The following CAND2 variants were observed in gnomAD, a reference collection of about 807,000 sequenced individuals.
The protein encoded by CAND2 is cullin-associated NEDD8-dissociated protein 2.
A neutral mutation model predicts 98.9 loss-of-function variants in CAND2; 62 were observed. The observed-to-expected ratio is 0.63, with a 90% CI of 0.51 to 0.77. CAND2 has a LOEUF of 0.77. CAND2 is among the 30% of genes least tolerant of loss of function. The pLI is 0.00. For synonymous variants in CAND2, 770 were observed against 731.9 expected (o/e 1.05, Z -0.84); for missense variants, 1,501 against 1,655.2 (o/e 0.91, Z 1.62).
chr3:12,812,925 C>A (rs2061864753), intron 5 of CAND2, 65 bp from the exon 6 acceptor site: 3 of 979,866 alleles, frequency 3.1e-6, no homozygotes, highest in African/African-American at 1.6e-5. Flanking sequence ...AGTCTGAGTG[C>A]TGTGGGCTGG....
chr3:12,808,961 G>A (rs1461953558), intron 4 of CAND2, among the ~76,000 whole-genome samples: 1 of 152,158 alleles, frequency 6.6e-6, no homozygotes, highest in Admixed American at 6.5e-5. Context: ...GGAGCCATGG[G>A]GCAGGGGTGA....
intron 5 of CAND2, among the ~76,000 whole-genome samples, chr3:12,811,983 C>T (rs1156814437): frequency 6.6e-6 from 1 of 151,858 alleles, no homozygotes; most frequent in African/African-American, 2.4e-5. Context: ...ACGATCTCTG[C>T]TCACTGTAAC....
chr3:12,812,628 T>G (rs1389902031), intron 5 of CAND2, among the ~76,000 whole-genome samples: 1 of 151,802 alleles, frequency 6.6e-6, no homozygotes, highest in African/African-American at 2.4e-5. Context: ...ATAGTCTCGA[T>G]CTCCTGACCT....
At chr3:12,811,775 T>C (rs2061853621) in intron 5 of CAND2, among the ~76,000 whole-genome samples, 1 of 152,178 alleles carries the variant, frequency 6.6e-6, no homozygotes, top group African/African-American at 2.4e-5. Context: ...TTTAACTATG[T>C]TGGTTGGCCA....
chr3:12,810,904 G>T (rs980132899), intron 5 of CAND2, among the ~76,000 whole-genome samples: 3 of 152,222 alleles, frequency 2.0e-5, no homozygotes, highest in African/African-American at 7.2e-5. Flanking sequence ...TCCGTTTGCA[G>T]TCCAGCTCTC....
At position 12,813,011 on chromosome 3, in the gene CAND2, T is replaced by C; in HGVS notation, c.779T>C (p.Val260Ala). The C allele has an allele frequency of 2.5e-6, 4 of 1,577,412 alleles. No individual in the cohort carries two copies. Among genetic ancestry groups the C allele is most frequent in the Non-Finnish European group, 3.4e-6 (4 of 1,162,466 alleles). The change falls in exon 6 of 15, where the codon GTG (valine) becomes GCG (alanine). Residue 260 changes from valine to alanine, a missense_variant. This residue lies in a region of CAND2 where 1,427 missense variants were observed against 1,545.3 expected (regional missense o/e 0.92). Coordinates refer to ENST00000456430, the MANE Select transcript of CAND2 (RefSeq NM_001162499.2). The stretch of plus-strand genomic sequence containing the variant: ...GCAGGGGCTCACCTGGACCGCCTGG[T>C]GCCCCTGGTGGAGGATTTCTGCAAC... ...HRLGAHLDRLVPLVEDFCNLD... is the reference protein window; with the variant it reads ...HRLGAHLDRLAPLVEDFCNLD...
Position 12,817,103 on chromosome 3 carries a change from C to T in CAND2, c.2171C>T (p.Ala724Val), listed in dbSNP as rs1463444153. 2 of 1,612,938 alleles carry T rather than the reference C, an allele frequency of 1.2e-6. No individual in the cohort carries two copies. The highest frequency in any genetic ancestry group is 1.1e-5 in the South Asian group (1 of 91,082). ...GACTTCCTTGCCACAGTGACCCAGG[C>T]CCAGCCAGCCTCTTTGGTGGAGGTC... ...AVDFLATVTQ[A>V]QPASLVEVSG... The change falls in exon 10 of 15, where the codon GCC (alanine) becomes GTC (valine). Residue 724 changes from alanine to valine, a missense_variant. Around this residue, in one of 3 missense-constraint regions of CAND2, gnomAD observed 1,427 missense variants for 1,545.3 expected, o/e 0.92. Coordinates refer to ENST00000456430, the MANE Select transcript of CAND2 (RefSeq NM_001162499.2).
intron 12 of CAND2, among the ~76,000 whole-genome samples, chr3:12,826,386 C>A (rs1392300526): frequency 6.6e-6 from 1 of 151,558 alleles, no homozygotes; most frequent in African/African-American, 2.4e-5. Flanking sequence ...ACCATTAAAA[C>A]AGGGCTTCAT....
At chr3:12,819,654 A>G (rs1370466062) in intron 10 of CAND2, among the ~76,000 whole-genome samples, 1 of 151,914 alleles carries the variant, frequency 6.6e-6, no homozygotes, top group East Asian at 1.9e-4. Flanking sequence ...ATGAACTTAA[A>G]CCCTCTGAGT....
chr3:12,818,177 AC>A (rs2061925026), intron 10 of CAND2, among the ~76,000 whole-genome samples: 1 of 151,526 alleles, frequency 6.6e-6, no homozygotes, highest in African/African-American at 2.4e-5. Flanking sequence ...TAATCCCAGC[AC>A]TTTGGGGAGG....
At chr3:12,811,124 T>C (rs1278521359) in intron 5 of CAND2, among the ~76,000 whole-genome samples, 2 of 144,386 alleles carry the variant, frequency 1.4e-5, no homozygotes, top group Non-Finnish European at 3.0e-5. Context: ...CGGCGGGGGG[T>C]GGGGGGGGGA....
chr3:12,818,927 A>G (rs1038422166), intron 10 of CAND2, among the ~76,000 whole-genome samples: 18 of 152,300 alleles, frequency 1.2e-4, no homozygotes, highest in African/African-American at 3.8e-4. Flanking sequence ...TGCTTTGCCT[A>G]AACACCTATT....
chr3:12,813,145 T>C (rs1465753028), intron 6 of CAND2, 50 bp downstream of exon 6: 2 of 1,569,456 alleles, frequency 1.3e-6, no homozygotes, highest in Non-Finnish European at 1.7e-6. Context: ...TTGGTGGGGA[T>C]GCTGGCCCAA....
In CAND2 at chr3:12,815,005, T is replaced by C; in HGVS notation, c.1007-136T>C. 1.2e-6 allele frequency: 1 copy of C among 801,388 alleles called. No homozygotes were observed. Among genetic ancestry groups the C allele is most frequent in the South Asian group, 1.8e-5 (1 of 54,782 alleles). 49.6% of individuals were successfully genotyped at this position (801,388 alleles called of 1,614,324 possible). ...ATTAAAAGGTAGGGAATGTTCCCCA[T>C]AGGGTATCTATAAATGCTGATCATC... On this transcript the variant is annotated intron_variant, in intron 7 of 14. Coordinates refer to ENST00000456430, the MANE Select transcript of CAND2 (RefSeq NM_001162499.2). This position sits in a 1 kb window ranked among gnomAD's most constrained non-coding sequence, Gnocchi z 5.7.
intron 13 of CAND2, among the ~76,000 whole-genome samples, chr3:12,830,859 G>A (rs1041286576): frequency 6.6e-6 from 1 of 152,190 alleles, no homozygotes; most frequent in South Asian, 2.1e-4. Flanking sequence ...GGGCTTAGGG[G>A]TCAGGGTGTG....
At chr3:12,823,968 T>TAATTTC (rs58148468) in intron 11 of CAND2, among the ~76,000 whole-genome samples, 106,307 of 151,516 alleles carry the variant, frequency 0.7, 37,846 homozygotes, top group African/African-American at 0.82. Flanking sequence ...CCCCCATCCT[T>TAATTTC]ATTTCTTTAT....
intron 10 of CAND2, among the ~76,000 whole-genome samples, chr3:12,818,687 TAC>T (rs2061929877): frequency 6.6e-6 from 1 of 152,230 alleles, no homozygotes; most frequent in Non-Finnish European, 1.5e-5. Context: ...AGAATGCAGG[TAC>T]AGTGTTTGGT....
intron 13 of CAND2, 146 bp from the exon 14 acceptor site, chr3:12,831,319 G>T: frequency 1.5e-6 from 1 of 683,294 alleles, no homozygotes. Flanking sequence ...AACAGACCCA[G>T]AGAGGGAGAG....
intron 14 of CAND2, chr3:12,832,841 G>A (rs6442338): frequency 0.18 from 27,128 of 152,056 alleles, 3,148 homozygotes; most frequent in African/African-American, 0.34. Flanking sequence ...TTGATTACAG[G>A]GTATTGTACA....
Sources: allele counts gnomAD v4.1 joint callset (sites outside exome capture counted in the v4.1 genomes callset), GRCh38; gene constraint gnomAD v4.1.1; regional missense constraint gnomAD v4.1.1; non-coding constraint Gnocchi (gnomAD v3.1); transcripts MANE v1.5; gene names NCBI Gene and HGNC (gene_info 2026-07-23, HGNC 2026-07-21).